The following CENPW variants were observed in gnomAD, a reference collection of about 807,000 sequenced individuals.
CENPW encodes the protein centromere protein W, also known as cancer-up-regulated gene 2 protein.
A neutral mutation model predicts 11.1 loss-of-function variants in CENPW; 3 were observed. That is an observed-to-expected ratio of 0.27 (90% CI 0.12 to 0.70). CENPW has a LOEUF of 0.70. Among genes scored for constraint, CENPW ranks in the 30% least tolerant of loss-of-function variants. The probability of loss-of-function intolerance (pLI) is 0.77; values close to 1 mark genes in which losing one functional copy is unlikely to be tolerated. For missense variants in CENPW, 100 were observed against 105.6 expected, an observed-to-expected ratio of 0.95 and a Z score of 0.23; for synonymous variants, 38 against 42.0, an observed-to-expected ratio of 0.91 and a Z score of 0.37.
chr6:126,453,027 CT>C, the CENPW span, among the ~76,000 whole-genome samples: 1 of 151,192 alleles, frequency 6.6e-6, no homozygotes, highest in African/African-American at 2.4e-5. Context: ...AACTCAAACT[CT>C]TTATTCAGCA....
the CENPW span, among the ~76,000 whole-genome samples, chr6:126,389,072 A>G: frequency 6.6e-6 from 1 of 151,962 alleles, no homozygotes; most frequent in Non-Finnish European, 1.5e-5. Context: ...TTAAAGATCC[A>G]TCTCTGTTGT....
the CENPW span, among the ~76,000 whole-genome samples, chr6:126,419,807 G>GT: frequency 6.6e-6 from 1 of 152,020 alleles, no homozygotes; most frequent in African/African-American, 2.4e-5. Context: ...ATCATCATAT[G>GT]TTTTCTCCAT....
the CENPW span, among the ~76,000 whole-genome samples, chr6:126,364,056 A>C: frequency 6.6e-5 from 10 of 152,278 alleles, no homozygotes; most frequent in Non-Finnish European, 1.3e-4. Flanking sequence ...TTTGCTTTTT[A>C]ATCCCAAGAG....
chr6:126,363,175 C>A, the CENPW span, among the ~76,000 whole-genome samples: 80 of 152,162 alleles, frequency 5.3e-4, no homozygotes, highest in African/African-American at 1.8e-3. Context: ...AATAGACCAG[C>A]TAGGAAAAGT....
the CENPW span, among the ~76,000 whole-genome samples, chr6:126,422,769 C>T: frequency 6.6e-6 from 1 of 152,106 alleles, no homozygotes; most frequent in Admixed American, 6.6e-5. Context: ...TCTCCCTTTT[C>T]CTCTTCACCT....
the CENPW span, among the ~76,000 whole-genome samples, chr6:126,413,821 A>G: frequency 1.3e-5 from 2 of 152,174 alleles, no homozygotes; most frequent in East Asian, 1.9e-4. Flanking sequence ...CTCACCAAAA[A>G]ATAATAATTT....
At chr6:126,474,281 A>G in the CENPW span, among the ~76,000 whole-genome samples, 1 of 152,062 alleles carries the variant, frequency 6.6e-6, no homozygotes, top group African/African-American at 2.4e-5. Flanking sequence ...TAGCCCAAAC[A>G]GTAAAGCTCT....
chr6:126,405,057 TTGAA>T, the CENPW span, among the ~76,000 whole-genome samples: 2 of 152,096 alleles, frequency 1.3e-5, no homozygotes, highest in African/African-American at 4.8e-5. Flanking sequence ...GCTGATGGTG[TTGAA>T]TAAGACATTA....
chr6:126,457,723 C>T, the CENPW span, among the ~76,000 whole-genome samples: 6 of 151,204 alleles, frequency 4.0e-5, no homozygotes, highest in African/African-American at 7.3e-5. Flanking sequence ...CTAAAACCAC[C>T]GCTTGGTATT....
chr6:126,349,404 T>C (rs1025905759), downstream of CENPW, among the ~76,000 whole-genome samples: 5 of 152,128 alleles, frequency 3.3e-5, no homozygotes, highest in Non-Finnish European at 7.4e-5. Context: ...ACCAAAAAAG[T>C]CTCTTTGTGC....
At chr6:126,439,245 T>C in the CENPW span, among the ~76,000 whole-genome samples, 1 of 151,752 alleles carries the variant, frequency 6.6e-6, no homozygotes, top group South Asian at 2.1e-4. Context: ...GTACCACATG[T>C]TTTCTGATGC....
chr6:126,391,671 T>C, the CENPW span, among the ~76,000 whole-genome samples: 1 of 152,014 alleles, frequency 6.6e-6, no homozygotes, highest in African/African-American at 2.4e-5. Context: ...AGGAGGCTAG[T>C]TTCATTCTTC....
the CENPW span, among the ~76,000 whole-genome samples, chr6:126,480,149 T>C: frequency 5.4e-3 from 818 of 152,150 alleles, 9 homozygotes; most frequent in African/African-American, 0.018. Flanking sequence ...TAGCTTATTA[T>C]TTAACTTTGT....
chr6:126,362,657 T>C, the CENPW span, among the ~76,000 whole-genome samples: 4 of 152,206 alleles, frequency 2.6e-5, no homozygotes, highest in Non-Finnish European at 5.9e-5. Context: ...AGCGCACTAG[T>C]ATCTTTAATT....
At chr6:126,455,719 G>A in the CENPW span, among the ~76,000 whole-genome samples, 1 of 151,256 alleles carries the variant, frequency 6.6e-6, no homozygotes, top group Non-Finnish European at 1.5e-5. Flanking sequence ...GTCAAAGCCA[G>A]GGCAATCAGG....
chr6:126,479,088 T>C, the CENPW span, among the ~76,000 whole-genome samples: 2 of 152,064 alleles, frequency 1.3e-5, no homozygotes, highest in African/African-American at 4.8e-5. Context: ...TCGGTTTATG[T>C]GGCACATTAC....
the CENPW span, among the ~76,000 whole-genome samples, chr6:126,374,783 A>G: frequency 6.6e-6 from 1 of 152,214 alleles, no homozygotes; most frequent in Admixed American, 6.5e-5. Context: ...CCATTCATTC[A>G]TTTAACACCT....
At chr6:126,427,350 C>T in the CENPW span, among the ~76,000 whole-genome samples, 112 of 152,230 alleles carry the variant, frequency 7.4e-4, no homozygotes, top group Non-Finnish European at 5.3e-4. Flanking sequence ...GCTTACTAGC[C>T]GTAGCCAAAT....
chr6:126,477,060 C>T, the CENPW span, among the ~76,000 whole-genome samples: 1 of 151,894 alleles, frequency 6.6e-6, no homozygotes, highest in African/African-American at 2.4e-5. Flanking sequence ...ATTAATATTA[C>T]CACATTCAAA....
Sources: allele counts gnomAD v4.1 joint callset (sites outside exome capture counted in the v4.1 genomes callset), GRCh38; gene constraint gnomAD v4.1.1; transcripts MANE v1.5; gene names NCBI Gene and HGNC (gene_info 2026-07-23, HGNC 2026-07-21).